Variants in SMIM13 observed in about 807,000 individuals in gnomAD.
The protein encoded by SMIM13 is small integral membrane protein 13, also known as UPF0766 protein C6orf228.
SMIM13 carries 3 observed loss-of-function variants against 5.9 expected under a neutral mutation model. The ratio of observed to expected loss-of-function variants is 0.51; its 90% confidence interval spans 0.23 to 1.31. The LOEUF is 1.31. Ranked by LOEUF, SMIM13 falls within the 40% of genes most tolerant of loss-of-function variation. The probability of loss-of-function intolerance (pLI) is 0.18; values close to 1 mark genes in which losing one functional copy is unlikely to be tolerated. For missense variants in SMIM13, 85 were observed against 109.9 expected (o/e 0.77, Z 1.01); for synonymous variants, 55 against 46.0 (o/e 1.19, Z -0.79).
At chr6:11,133,513 A>C (rs575493822) in intron 1 of SMIM13, among the ~76,000 whole-genome samples, 1 of 152,158 alleles carries the variant, frequency 6.6e-6, no homozygotes, top group Non-Finnish European at 1.5e-5. Context: ...TTTCATTTCT[A>C]TTCTATGCAA....
intron 1 of SMIM13, among the ~76,000 whole-genome samples, chr6:11,101,888 G>A (rs557594960): frequency 4.3e-4 from 65 of 151,952 alleles, no homozygotes; most frequent in African/African-American, 1.5e-3. Context: ...ACAGGCATGC[G>A]CCACCACACC....
intron 1 of SMIM13, among the ~76,000 whole-genome samples, chr6:11,131,545 C>A (rs955434324): frequency 6.6e-6 from 1 of 151,910 alleles, no homozygotes; most frequent in African/African-American, 2.4e-5. Context: ...GCTACTGTAA[C>A]CAACATGGTA....
chr6:11,099,333 C>G (rs1455159147), intron 1 of SMIM13, among the ~76,000 whole-genome samples: 1 of 152,180 alleles, frequency 6.6e-6, no homozygotes, highest in Non-Finnish European at 1.5e-5. Flanking sequence ...CGCCACCACA[C>G]CCGGCTGGTT....
At chr6:11,102,762 C>T (rs148336683) in intron 1 of SMIM13, 1 of 152,326 alleles carries the variant, frequency 6.6e-6, no homozygotes, top group East Asian at 1.9e-4. Context: ...CTGTTACCAG[C>T]AGCAAATCCA....
intron 1 of SMIM13, among the ~76,000 whole-genome samples, chr6:11,106,702 T>C (rs1758088760): frequency 6.6e-6 from 1 of 152,238 alleles, no homozygotes; most frequent in Admixed American, 6.5e-5. Context: ...GAAGGTATCT[T>C]TTGAGATGCC....
At chr6:11,095,151 G>C (rs1032404587) in intron 1 of SMIM13, among the ~76,000 whole-genome samples, 1 of 152,212 alleles carries the variant, frequency 6.6e-6, no homozygotes, top group African/African-American at 2.4e-5. Flanking sequence ...TAGAACACGT[G>C]TCAGTGAGTT....
At chr6:11,112,151 C>T (rs769857151) in intron 1 of SMIM13, among the ~76,000 whole-genome samples, 1 of 152,126 alleles carries the variant, frequency 6.6e-6, no homozygotes, top group Non-Finnish European at 1.5e-5. Flanking sequence ...CTGATGGTCG[C>T]CTGACATTCC....
intron 1 of SMIM13, among the ~76,000 whole-genome samples, chr6:11,100,311 C>T (rs939136144): frequency 6.6e-5 from 10 of 152,184 alleles, no homozygotes; most frequent in Non-Finnish European, 8.8e-5. Context: ...CCACCTGCCT[C>T]GGCCTCCCAA....
intron 1 of SMIM13, among the ~76,000 whole-genome samples, chr6:11,102,297 AT>A (rs1450577645): frequency 6.6e-6 from 1 of 152,228 alleles, no homozygotes; most frequent in Non-Finnish European, 1.5e-5. Context: ...TAAAGATTAA[AT>A]TTGGTTTTAG....
chr6:11,119,631 A>G (rs1036429283), intron 1 of SMIM13, among the ~76,000 whole-genome samples: 1 of 151,692 alleles, frequency 6.6e-6, no homozygotes, highest in African/African-American at 2.4e-5. Context: ...TCCAGCCTGG[A>G]CGACAGAGCG....
At chr6:11,129,086 G>A (rs1050666211) in intron 1 of SMIM13, among the ~76,000 whole-genome samples, 2 of 151,330 alleles carry the variant, frequency 1.3e-5, no homozygotes, top group African/African-American at 2.4e-5. Context: ...AGCGGGGGGG[G>A]GATGATCACT....
chr6:11,116,313 C>CT (rs1257903029), intron 1 of SMIM13, among the ~76,000 whole-genome samples: 1 of 152,214 alleles, frequency 6.6e-6, no homozygotes, highest in African/African-American at 2.4e-5. Flanking sequence ...GCCATTGCTC[C>CT]TGGCCAGCTT....
In SMIM13 at chr6:11,136,434, A is replaced by G. The variant is rs1758518309; in HGVS notation, c.*1832A>G. 6.6e-6 allele frequency: 1 copy of G among 152,188 alleles called. No individual in the cohort carries two copies. The highest frequency in any genetic ancestry group is 2.4e-5 in the African/African-American group (1 of 41,448). 9.4% of individuals were successfully genotyped at this position (152,188 alleles called of 1,614,324 possible). A position where few individuals can be genotyped will look rare whatever the true frequency, so the allele number is the denominator to read the frequency against. On this transcript the variant is annotated 3_prime_UTR_variant, in exon 2 of 2. Coordinates refer to ENST00000416247, the MANE Select transcript of SMIM13 (RefSeq NM_001135575.2). ...TCTTTTTATGTTTTTCTTAACCTTTATTAAGGACTAGTCATCACAAAATAT... is the reference window on the plus strand; with the variant it reads ...TCTTTTTATGTTTTTCTTAACCTTTGTTAAGGACTAGTCATCACAAAATAT...
intron 1 of SMIM13, among the ~76,000 whole-genome samples, chr6:11,112,413 C>T (rs1355901339): frequency 6.6e-6 from 1 of 152,050 alleles, no homozygotes; most frequent in Non-Finnish European, 1.5e-5. Flanking sequence ...CCACCATGCC[C>T]AGCTAATTTT....
Position 11,094,354 on chromosome 6 carries a change from C to A in SMIM13, c.41C>A (p.Ala14Asp). 6.5e-7 allele frequency: 1 copy of A among 1,537,122 alleles called. No individual in the cohort carries two copies. ...SVGLTLLVFV[A>D]TLLIVLLLMV... ...GGGCTGACTCTGCTTGTGTTCGTGG[C>A]CACGCTGCTGATCGTCCTGCTGCTG... Residue 14 changes from alanine to aspartate, a missense_variant, in exon 1 of 2, where the codon GCC becomes GAC. Transcript: ENST00000416247.
chr6:11,096,297 A>G (rs1757921760), intron 1 of SMIM13, among the ~76,000 whole-genome samples: 1 of 152,170 alleles, frequency 6.6e-6, no homozygotes, highest in African/African-American at 2.4e-5. Flanking sequence ...TGTGCATTTC[A>G]CAATAGGGTT....
chr6:11,103,586 A>G (rs1177115022), intron 1 of SMIM13: 2 of 1,436,982 alleles, frequency 1.4e-6, no homozygotes, highest in Non-Finnish European at 1.8e-6. Flanking sequence ...CTGTCAGGGC[A>G]GGATGGCTCT....
intron 1 of SMIM13, chr6:11,105,371 A>AG: frequency 7.8e-7 from 1 of 1,285,870 alleles, no homozygotes; most frequent in Non-Finnish European, 1.1e-6. Flanking sequence ...GTGGTGTACA[A>AG]GTTAGGGTTA....
chr6:11,117,157 A>ATTTTTT (rs1341431576), intron 1 of SMIM13, among the ~76,000 whole-genome samples: 9 of 116,892 alleles, frequency 7.7e-5, no homozygotes, highest in Non-Finnish European at 1.3e-4. Context: ...CGCCCGGCTA[A>ATTTTTT]TTTTTGTATT....
Sources: allele counts gnomAD v4.1 joint callset (sites outside exome capture counted in the v4.1 genomes callset), GRCh38; gene constraint gnomAD v4.1.1; transcripts MANE v1.5; gene names NCBI Gene and HGNC (gene_info 2026-07-23, HGNC 2026-07-21).